The following NHP2 variants were observed in gnomAD, a reference collection of about 807,000 sequenced individuals.
NHP2 encodes NHP2 ribonucleoprotein.
In NHP2, 10 loss-of-function variants were observed where a neutral mutation model predicts 16.7. That is an observed-to-expected ratio of 0.60 (90% CI 0.37 to 1.01). The LOEUF is 1.01. Ranked by LOEUF, NHP2 falls within the 50% of genes least tolerant of loss-of-function variation. The probability of loss-of-function intolerance (pLI) is 0.01; values close to 1 mark genes in which losing one functional copy is unlikely to be tolerated. For missense variants in NHP2, 184 were observed against 198.3 expected, an observed-to-expected ratio of 0.93 and a Z score of 0.43; for synonymous variants, 87 against 78.9, an observed-to-expected ratio of 1.10 and a Z score of -0.54.
In NHP2 at chr5:178,153,641, G is replaced by A; in HGVS notation, c.160+17C>T. 4.3e-6 allele frequency: 7 copies of A among 1,613,618 alleles called. No homozygotes were observed. The highest frequency in any genetic ancestry group is 5.9e-6 in the Non-Finnish European group (7 of 1,179,730). Reference sequence around the variant, plus strand: ...CCACCCGCGCACCCATCCCGGCCACGCCGCCGTCCGCCTCACCTTTCTTGA... The same window carrying A: ...CCACCCGCGCACCCATCCCGGCCACACCGCCGTCCGCCTCACCTTTCTTGA... On this transcript the variant is annotated intron_variant, in intron 1 of 3. Transcript: ENST00000274606.
At chr5:178,151,618 T>G (rs1452510105) in intron 2 of NHP2, among the ~76,000 whole-genome samples, 2 of 152,194 alleles carry the variant, frequency 1.3e-5, no homozygotes, top group East Asian at 3.9e-4. Context: ...TCCGCACTCC[T>G]AGTGCTCCTC....
At chr5:178,153,167 G>A in intron 2 of NHP2, 1 of 443,288 alleles carries the variant, frequency 2.3e-6, no homozygotes, top group Non-Finnish European at 4.2e-6. Context: ...ATTCAGGGCT[G>A]AGAGGATTAG....
chr5:178,151,689 C>T (rs1418029155), intron 2 of NHP2, among the ~76,000 whole-genome samples: 1 of 152,158 alleles, frequency 6.6e-6, no homozygotes, highest in African/African-American at 2.4e-5. Flanking sequence ...TCCTCACAGC[C>T]TTGTCCTCGG....
intron 2 of NHP2, 171 bp downstream of exon 2, chr5:178,153,320 T>TGTACCGGTATTGTC: frequency 1.4e-6 from 1 of 715,038 alleles, no homozygotes; most frequent in Non-Finnish European, 2.6e-6. Context: ...GTATACGTGG[T>TGTACCGGTATTGTC]GTACCGGTAT....
chr5:178,150,422 A>C, intron 3 of NHP2: 1 of 330,430 alleles, frequency 3.0e-6, no homozygotes, highest in Non-Finnish European at 6.0e-6. Flanking sequence ...TCTGTCATGC[A>C]GTCTGGAGTG....
At chr5:178,151,028 G>T in intron 2 of NHP2, 35 bp from the exon 3 acceptor site, 1 of 1,560,700 alleles carries the variant, frequency 6.4e-7, no homozygotes. Flanking sequence ...TCTCTGGCTT[G>T]CTCCTTCCTT....
rs1272309643 is a variant in NHP2, at chr5:178,153,571, A to T, written c.161-11T>A. ...GCTTCTGCTTCACCGCTGCAACGACAGAAGAGTCGGTCGGGGGCCTCGCTC... is the reference window on the plus strand; with the variant it reads ...GCTTCTGCTTCACCGCTGCAACGACTGAAGAGTCGGTCGGGGGCCTCGCTC... On this transcript the variant is annotated splice_polypyrimidine_tract_variant and intron_variant, in intron 1 of 3. Transcript: ENST00000274606. The T allele has an allele frequency of 1.9e-6, 3 of 1,614,012 alleles. No individual in the cohort carries two copies. In the Admixed American group the frequency reaches 5.0e-5, roughly 27 times the overall value.
rs879773589 is a variant in NHP2 at position 178,149,563 on chromosome 5, T to C, written c.*150A>G. ...GGACAGAAGACTAGCATTACCTTCATGAAAGGGCTGTTAGAGCTGCCTGGG... is the reference window on the plus strand; with the variant it reads ...GGACAGAAGACTAGCATTACCTTCACGAAAGGGCTGTTAGAGCTGCCTGGG... On this transcript the variant is annotated 3_prime_UTR_variant, in exon 4 of 4. Coordinates refer to ENST00000274606, the MANE Select transcript of NHP2 (RefSeq NM_017838.4). 4 of 873,994 alleles carry C rather than the reference T, an allele frequency of 4.6e-6. No homozygotes were observed. The highest frequency in any genetic ancestry group is 1.7e-5 in the African/African-American group (1 of 59,574). The allele number at this position is 873,994 out of a possible 1,614,324, so 54.1% of individuals were successfully genotyped here. A position where few individuals can be genotyped will look rare whatever the true frequency, so the allele number is the denominator to read the frequency against.
intron 2 of NHP2, among the ~76,000 whole-genome samples, chr5:178,152,305 T>C (rs954716766): frequency 6.6e-6 from 1 of 152,142 alleles, no homozygotes; most frequent in African/African-American, 2.4e-5. Context: ...CCTAAGAAGG[T>C]AGCACTTCTG....
intron 3 of NHP2, 150 bp from the exon 4 acceptor site, chr5:178,149,988 C>A: frequency 2.4e-6 from 2 of 829,914 alleles, no homozygotes; most frequent in Non-Finnish European, 3.8e-6. Context: ...AATTGGTTGC[C>A]ATCATTTAAA....
At chr5:178,149,949 C>A (rs570661601) in intron 3 of NHP2, 111 bp from the exon 4 acceptor site, 2 of 1,187,344 alleles carry the variant, frequency 1.7e-6, no homozygotes, top group African/African-American at 1.5e-5. Flanking sequence ...ATGTTCTGTT[C>A]GGTCCATGTT....
intron 2 of NHP2, among the ~76,000 whole-genome samples, chr5:178,151,510 G>A (rs1455204106): frequency 1.3e-5 from 2 of 152,214 alleles, no homozygotes; most frequent in Non-Finnish European, 2.9e-5. Context: ...TGGGGGGCAA[G>A]GGCCTCAGGA....
At chr5:178,153,437 G>C (rs376632631) in intron 2 of NHP2, 54 bp downstream of exon 2, 97 of 1,577,984 alleles carry the variant, frequency 6.1e-5, no homozygotes, top group Non-Finnish European at 8.2e-5. Flanking sequence ...ACTAAGTAGA[G>C]ATTTCTCCGT....
At chr5:178,152,761 CCATAA>C (rs1756310076) in intron 2 of NHP2, among the ~76,000 whole-genome samples, 1 of 152,178 alleles carries the variant, frequency 6.6e-6, no homozygotes, top group Admixed American at 6.6e-5. Context: ...ACTGTTTCCC[CCATAA>C]CACAGTGCCT....
intron 2 of NHP2, among the ~76,000 whole-genome samples, chr5:178,151,342 A>C (rs992243781): frequency 1.3e-5 from 2 of 152,170 alleles, no homozygotes; most frequent in Non-Finnish European, 2.9e-5. Flanking sequence ...TGTGAGAATC[A>C]GAACGGCACC....
rs1169570803 is a variant in NHP2 at position 178,153,835 on chromosome 5, C to A, written c.-18G>T. ...TTGGTCATCGCAGCGGCCGCTGAAA[C>A]CTAGTCCCAGGGAGGCGAGCCCACG... is the stretch of plus-strand genomic sequence containing the variant. On this transcript the variant is annotated 5_prime_UTR_variant, in exon 1 of 4. Transcript: ENST00000274606. 1.2e-6 allele frequency: 2 copies of A among 1,600,106 alleles called. No homozygotes were observed. The highest frequency in any genetic ancestry group is 8.5e-7 in the Non-Finnish European group (1 of 1,173,702).
At chr5:178,153,130 C>G (rs181661677) in intron 2 of NHP2, 86 of 382,956 alleles carry the variant, frequency 2.2e-4, no homozygotes, top group Middle Eastern at 8.6e-4. Flanking sequence ...AATACAGAGC[C>G]GGAGAGGGGT....
chr5:178,152,981 G>T (rs547200876), intron 2 of NHP2, among the ~76,000 whole-genome samples: 1 of 152,344 alleles, frequency 6.6e-6, no homozygotes, highest in African/African-American at 2.4e-5. Context: ...TCAGCTATTC[G>T]GGAGGCTGAG....
At position 178,150,957 on chromosome 5, in the gene NHP2, C is replaced by T. The variant is rs562083385; in HGVS notation, c.267G>A (p.Glu89=). 6.2e-7 allele frequency: 1 copy of T among 1,613,948 alleles called. No individual in the cohort carries two copies. The highest frequency in any genetic ancestry group is 8.5e-7 in the Non-Finnish European group (1 of 1,179,970). The stretch of plus-strand genomic sequence containing the variant: ...ACATGACTGGGAGATGGCAGTATAC[C>T]TCAATGGGCAGTGTGTCTCCTGCCA... ...MVLAGDTLPI[E]VYCHLPVMCE... The change falls in exon 3 of 4, where the codon GAG becomes GAA. Residue 89 remains glutamate, a synonymous_variant. Transcript: ENST00000274606.
Sources: allele counts gnomAD v4.1 joint callset (sites outside exome capture counted in the v4.1 genomes callset), GRCh38; gene constraint gnomAD v4.1.1; transcripts MANE v1.5; gene names NCBI Gene and HGNC (gene_info 2026-07-23, HGNC 2026-07-21).